The following AGBL1 variants were observed in gnomAD, a reference collection of about 807,000 sequenced individuals.
AGBL1 encodes the protein AGBL carboxypeptidase 1, also known as cytosolic carboxypeptidase 4.
AGBL1 carries 130 observed loss-of-function variants against 118.9 expected under a neutral mutation model. That is an observed-to-expected ratio of 1.09 (90% CI 0.95 to 1.26). The LOEUF is 1.26. Ranked by LOEUF, AGBL1 falls within the 50% of genes most tolerant of loss-of-function variation. AGBL1 has a pLI of 0.00. For synonymous variants in AGBL1, 555 were observed against 478.9 expected, an observed-to-expected ratio of 1.16 and a Z score of -2.08; for missense variants, 1,584 against 1,298.1, an observed-to-expected ratio of 1.22 and a Z score of -3.38.
At chr15:86,979,538 G>C (rs2081208350) in intron 23 of AGBL1, among the ~76,000 whole-genome samples, 1 of 151,778 alleles carries the variant, frequency 6.6e-6, no homozygotes, top group Admixed American at 6.6e-5. Flanking sequence ...GCCCAGGCTG[G>C]AGTGCAGTGG....
chr15:86,804,658 T>G (rs1384719355), intron 22 of AGBL1, among the ~76,000 whole-genome samples: 1 of 152,140 alleles, frequency 6.6e-6, no homozygotes, highest in African/African-American at 2.4e-5. Flanking sequence ...CTCAAAAACC[T>G]GGGTCATACT....
chr15:86,368,336 A>G (rs1382396937), intron 17 of AGBL1, among the ~76,000 whole-genome samples: 1 of 152,144 alleles, frequency 6.6e-6, no homozygotes, highest in African/African-American at 2.4e-5. Flanking sequence ...ACATGACCCT[A>G]TAACAAATAA....
chr15:86,946,483 C>G (rs1156700298), intron 23 of AGBL1, among the ~76,000 whole-genome samples: 2 of 151,894 alleles, frequency 1.3e-5, no homozygotes, highest in Admixed American at 1.3e-4. Flanking sequence ...AGTCCATAAA[C>G]CTTTTATTCA....
chr15:86,597,812 G>A (rs1476556310), intron 21 of AGBL1, among the ~76,000 whole-genome samples: 1 of 152,120 alleles, frequency 6.6e-6, no homozygotes, highest in Admixed American at 6.6e-5. Flanking sequence ...TCTAATTGGA[G>A]ATTGTTGGCA....
In AGBL1 at chr15:86,287,450, T is replaced by TC; in HGVS notation, c.2220+7669dup. On this transcript the variant is annotated intron_variant, in intron 16 of 22. Coordinates refer to ENST00000614907, the MANE Select transcript of AGBL1 (RefSeq NM_001386094.1). ...CCCAGACTAATGTCATGAAGGTTTTTCCTTATGTTTTCATCTCATAGCTTT... is the reference window on the plus strand; with the variant it reads ...CCCAGACTAATGTCATGAAGGTTTTTCCCTTATGTTTTCATCTCATAGCTTT... 1.3e-5 allele frequency among the ~76,000 whole-genome samples: 2 copies of TC among 152,300 alleles called. 1 individual carries two copies. The highest frequency in any genetic ancestry group is 4.1e-4 in the South Asian group (2 of 4,828).
downstream of AGBL1, among the ~76,000 whole-genome samples, chr15:86,918,543 A>AC (rs2080452130): frequency 2.1e-5 from 2 of 95,080 alleles, no homozygotes; most frequent in East Asian, 3.7e-4. Context: ...GTCTCAAAAA[A>AC]TAAAAAAAAA....
In AGBL1 at chr15:86,548,663, G is replaced by GCACGCACACACA. The variant is rs1555424781; in HGVS notation, c.2817+2533_2817+2534insGCACACACACAC. On this transcript the variant is annotated intron_variant, in intron 20 of 22. Coordinates refer to ENST00000614907, the MANE Select transcript of AGBL1 (RefSeq NM_001386094.1). ...GATAGCCACACACACACACATGCAC[G>GCACGCACACACA]CACACACACACACACACACACACAC... Among the ~76,000 whole-genome samples the GCACGCACACACA allele has an allele frequency of 8.5e-4, 122 of 142,796 alleles. 2 individuals carry two copies. Among genetic ancestry groups the GCACGCACACACA allele is most frequent in the Middle Eastern group, 3.6e-3 (1 of 280 alleles). 93.7% of individuals were successfully genotyped at this position (142,796 alleles called of 152,430 possible).
At chr15:86,135,354 C>T (rs1717942763) in intron 1 of AGBL1, among the ~76,000 whole-genome samples, 1 of 152,176 alleles carries the variant, frequency 6.6e-6, no homozygotes, top group South Asian at 2.1e-4. Context: ...GCCAAACAAA[C>T]TTCTTTTCTT....
At chr15:86,246,840 C>G (rs2078728455) in intron 6 of AGBL1, among the ~76,000 whole-genome samples, 1 of 152,182 alleles carries the variant, frequency 6.6e-6, no homozygotes, top group Non-Finnish European at 1.5e-5. Flanking sequence ...TACTATATCT[C>G]ATTCAGCATC....
chr15:86,081,671 C>T (rs950321455), intron 1 of AGBL1, among the ~76,000 whole-genome samples: 5 of 152,214 alleles, frequency 3.3e-5, no homozygotes, highest in African/African-American at 1.2e-4. Flanking sequence ...GTACAATAAG[C>T]TGACATTCTG....
chr15:86,821,143 G>A (rs543575229), intron 22 of AGBL1, among the ~76,000 whole-genome samples: 51 of 152,090 alleles, frequency 3.4e-4, no homozygotes, highest in Admixed American at 8.5e-4. Context: ...CATGGACACA[G>A]GGAGGGGAAC....
intron 22 of AGBL1, among the ~76,000 whole-genome samples, chr15:86,799,495 C>T (rs1270110489): frequency 1.3e-5 from 2 of 152,084 alleles, no homozygotes; most frequent in Non-Finnish European, 2.9e-5. Context: ...AATTAATGCA[C>T]GGCTATACCA....
At chr15:86,985,514 T>C (rs1390538200) in intron 23 of AGBL1, among the ~76,000 whole-genome samples, 2 of 152,258 alleles carry the variant, frequency 1.3e-5, no homozygotes, top group East Asian at 3.8e-4. Flanking sequence ...TTCATATGCT[T>C]ATTTGCCATC....
At chr15:86,598,326 C>T (rs76513431) in intron 21 of AGBL1, among the ~76,000 whole-genome samples, 3,045 of 152,174 alleles carry the variant, frequency 0.02, 78 homozygotes, top group East Asian at 0.13. Flanking sequence ...TAATAGTTCA[C>T]GTAAGATGCT....
At chr15:86,292,703 C>T (rs1271289442) in intron 16 of AGBL1, among the ~76,000 whole-genome samples, 2 of 152,138 alleles carry the variant, frequency 1.3e-5, no homozygotes, top group South Asian at 2.1e-4. Flanking sequence ...GGGTAAGGAT[C>T]ACCAAGTAAT....
chr15:86,784,153 T>C (rs1228676781), intron 22 of AGBL1, among the ~76,000 whole-genome samples: 2 of 152,186 alleles, frequency 1.3e-5, no homozygotes, highest in Admixed American at 1.3e-4. Context: ...TAATTTTAAA[T>C]GAGATAACTT....
intron 22 of AGBL1, among the ~76,000 whole-genome samples, chr15:86,743,166 T>A (rs1028705364): frequency 2.6e-5 from 4 of 152,164 alleles, no homozygotes; most frequent in Non-Finnish European, 5.9e-5. Flanking sequence ...AAAGTATTTT[T>A]TTAAATTATT....
At chr15:86,642,301 T>C (rs950417660) in intron 21 of AGBL1, among the ~76,000 whole-genome samples, 29 of 152,182 alleles carry the variant, frequency 1.9e-4, no homozygotes, top group African/African-American at 7.0e-4. Flanking sequence ...TTTTACTCAA[T>C]AGCTAAATTT....
intron 2 of AGBL1, among the ~76,000 whole-genome samples, 163 bp from the exon 3 acceptor site, chr15:86,143,536 C>G (rs938970739): frequency 6.6e-6 from 1 of 152,232 alleles, no homozygotes; most frequent in Non-Finnish European, 1.5e-5. Flanking sequence ...CTTCCCTTAA[C>G]TGATAGTACA....
Sources: allele counts gnomAD v4.1 joint callset (sites outside exome capture counted in the v4.1 genomes callset), GRCh38; gene constraint gnomAD v4.1.1; transcripts MANE v1.5; gene names NCBI Gene and HGNC (gene_info 2026-07-23, HGNC 2026-07-21).